Variants in DTX4 observed in about 807,000 individuals in gnomAD.
DTX4 encodes the protein deltex E3 ubiquitin ligase 4, also known as E3 ubiquitin-protein ligase DTX4.
DTX4 carries 28 observed loss-of-function variants against 57.6 expected under a neutral mutation model. That is an observed-to-expected ratio of 0.49 (90% CI 0.36 to 0.67). The LOEUF (loss-of-function observed/expected upper bound fraction) is 0.67, where lower values mean the gene tolerates loss of function less well. Among genes scored for constraint, DTX4 ranks in the 30% least tolerant of loss-of-function variants. The pLI is 0.00. For missense variants in DTX4, 715 were observed against 836.8 expected, an observed-to-expected ratio of 0.85 and a Z score of 1.80; for synonymous variants, 316 against 331.0, an observed-to-expected ratio of 0.95 and a Z score of 0.49.
At position 59,192,221 on chromosome 11, in the gene DTX4, T is replaced by G; in HGVS notation, c.1345T>G (p.Leu449Val). Residue 449 changes from leucine to valine, a missense_variant, in exon 6 of 9, where the codon TTG becomes GTG. Coordinates refer to ENST00000227451, the MANE Select transcript of DTX4 (RefSeq NM_015177.2). ...RCGHVYHIYC[L>V]VAMYNNGNKD... ...CGGCCACGTCTACCACATCTACTGC[T>G]TGGTTGCCATGTACAACAATGGGAA... 1 of 1,613,980 alleles carries G rather than the reference T, an allele frequency of 6.2e-7. No individual in the cohort carries two copies. Among genetic ancestry groups the G allele is most frequent in the Non-Finnish European group, 8.5e-7 (1 of 1,179,894 alleles).
intron 1 of DTX4, among the ~76,000 whole-genome samples, chr11:59,180,747 C>G (rs1432429064): frequency 6.6e-6 from 1 of 152,118 alleles, no homozygotes; most frequent in Non-Finnish European, 1.5e-5. Context: ...AAAGAGGCAA[C>G]AGTTACAGGT....
At chr11:59,201,343 C>T (rs1862737910) in intron 8 of DTX4, among the ~76,000 whole-genome samples, 1 of 152,226 alleles carries the variant, frequency 6.6e-6, no homozygotes, top group Admixed American at 6.5e-5. Context: ...GCAGCAGCTT[C>T]AGTCGGCTCC....
At chr11:59,189,806 G>C in intron 4 of DTX4, among the ~76,000 whole-genome samples, 1 of 152,088 alleles carries the variant, frequency 6.6e-6, no homozygotes, top group Non-Finnish European at 1.5e-5. Context: ...TGTCCCCCTA[G>C]AACCTACAGA....
rs565408570 is a variant in DTX4 at position 59,203,935 on chromosome 11, A to G, written c.1627-741A>G. 1.1e-4 allele frequency among the ~76,000 whole-genome samples: 17 copies of G among 152,294 alleles called. No homozygotes were observed. In the South Asian group the frequency reaches 2.9e-3, roughly 26 times the overall value. On this transcript the variant is annotated intron_variant, in intron 8 of 8. Transcript: ENST00000227451. ...GGTTTCCTCTCCTCCAGCCCATACC[A>G]TGTTTACAGTAGTTCAGTTTTCAAC...
chr11:59,189,100 A>G (rs1210767244), intron 3 of DTX4, 62 bp from the exon 4 acceptor site: 79 of 1,586,770 alleles, frequency 5.0e-5, no homozygotes, highest in Non-Finnish European at 6.5e-5. Context: ...GGAAAGAGGA[A>G]TTTGGGGAAT....
At chr11:59,191,936 A>C (rs1862604020) in intron 5 of DTX4, among the ~76,000 whole-genome samples, 162 bp from the exon 6 acceptor site, 1 of 152,226 alleles carries the variant, frequency 6.6e-6, no homozygotes, top group Non-Finnish European at 1.5e-5. Context: ...TTGTTGTGTA[A>C]AGACAAAACG....
chr11:59,181,311 T>C (rs1022239792), intron 1 of DTX4, among the ~76,000 whole-genome samples: 1 of 152,222 alleles, frequency 6.6e-6, no homozygotes, highest in African/African-American at 2.4e-5. Flanking sequence ...TACAAATACA[T>C]ATTTGCTGAA....
rs752712450 is a variant in DTX4, at chr11:59,206,103, C to G, written c.*1194C>G. ...ATTTCTTTTCAAGATTGGATCAGAGCTCATCTCCATCCAGTCTTGTTTCTA... is the reference window on the plus strand; with the variant it reads ...ATTTCTTTTCAAGATTGGATCAGAGGTCATCTCCATCCAGTCTTGTTTCTA... On this transcript the variant is annotated 3_prime_UTR_variant, in exon 9 of 9. Coordinates refer to ENST00000227451, the MANE Select transcript of DTX4 (RefSeq NM_015177.2). 6.6e-6 allele frequency: 1 copy of G among 152,190 alleles called. No individual in the cohort carries two copies. Among genetic ancestry groups the G allele is most frequent in the Non-Finnish European group, 1.5e-5 (1 of 68,048 alleles). 9.4% of individuals were successfully genotyped at this position (152,190 alleles called of 1,614,324 possible). A position where few individuals can be genotyped will look rare whatever the true frequency, so the allele number is the denominator to read the frequency against.
At chr11:59,188,062 C>A (rs1266553450) in intron 2 of DTX4, among the ~76,000 whole-genome samples, 1 of 152,212 alleles carries the variant, frequency 6.6e-6, no homozygotes, top group African/African-American at 2.4e-5. Flanking sequence ...CTCTTTTGTA[C>A]ACCCTGGTTT....
intron 6 of DTX4, among the ~76,000 whole-genome samples, chr11:59,192,866 G>A (rs552112102): frequency 4.6e-5 from 7 of 152,274 alleles, no homozygotes; most frequent in African/African-American, 1.4e-4. Flanking sequence ...ACAATGCAAT[G>A]GTATCCCCTC....
At chr11:59,176,727 T>C (rs951180505) in intron 1 of DTX4, among the ~76,000 whole-genome samples, 2 of 152,112 alleles carry the variant, frequency 1.3e-5, no homozygotes, top group African/African-American at 4.8e-5. Flanking sequence ...AGCTGAAAGG[T>C]TTTGGGTGCT....
At chr11:59,186,941 C>T (rs1862536073) in intron 2 of DTX4, among the ~76,000 whole-genome samples, 2 of 152,234 alleles carry the variant, frequency 1.3e-5, no homozygotes, top group African/African-American at 4.8e-5. Flanking sequence ...CAAACATTCC[C>T]ATTCCCACAT....
In DTX4 at chr11:59,207,975, C is replaced by G. The variant is rs559335652; in HGVS notation, c.*3066C>G. ...AGGCTCACTGGTACAAGAAAGGACCCCTGACCCCTTTCCTTCTCTGTGGTC... is the reference window on the plus strand; with the variant it reads ...AGGCTCACTGGTACAAGAAAGGACCGCTGACCCCTTTCCTTCTCTGTGGTC... On this transcript the variant is annotated 3_prime_UTR_variant, in exon 9 of 9. Coordinates refer to ENST00000227451, the MANE Select transcript of DTX4 (RefSeq NM_015177.2). 4.6e-5 allele frequency: 7 copies of G among 152,464 alleles called. No homozygotes were observed. The highest frequency in any genetic ancestry group is 1.0e-4 in the Non-Finnish European group (7 of 68,078). The allele number at this position is 152,464 out of a possible 1,614,324, so 9.4% of individuals were successfully genotyped here.
rs1862471505 is a variant in DTX4 at position 59,182,102 on chromosome 11, C to A, written c.575C>A (p.Pro192His). The A allele has an allele frequency of 6.2e-7, 1 of 1,613,338 alleles. No homozygotes were observed. Among genetic ancestry groups the A allele is most frequent in the African/African-American group, 1.3e-5 (1 of 75,050 alleles). ...TSPPMSPCSC[P>H]QCVLVMSVKA... ...CCCCCCATGTCCCCCTGCTCCTGTC[C>A]CCAGTGTGTCTTGGTGATGAGTGTT... The change falls in exon 2 of 9, where the codon CCC becomes CAC. Residue 192 changes from proline (P) to histidine (H), a missense_variant. Physicochemically the swap from Pro to His is moderately conservative, Grantham distance 77. Transcript: ENST00000227451.
At position 59,199,699 on chromosome 11, in the gene DTX4, A is replaced by C. The variant is rs750787233; in HGVS notation, c.1552A>C (p.Asn518His). The C allele has an allele frequency of 1.3e-6, 2 of 1,576,652 alleles. No individual in the cohort carries two copies. Among genetic ancestry groups the C allele is most frequent in the Non-Finnish European group, 1.7e-6 (2 of 1,160,910 alleles). Residue 518 changes from asparagine to histidine, a missense_variant, in exon 8 of 9, where the codon AAT (asparagine) becomes CAT (histidine). By Grantham distance (68) the Asn-to-His change is moderately conservative. Transcript: ENST00000227451. Reference sequence around the variant, plus strand: ...CTGCTTTCAGGGACCGGAACACCCGAATCCTGGGAAGAGTTTCAGCGCCCG... The same window carrying C: ...CTGCTTTCAGGGACCGGAACACCCGCATCCTGGGAAGAGTTTCAGCGCCCG... ...PPGIQGPEHP[N>H]PGKSFSARGF...
At chr11:59,198,953 T>C (rs1328820495) in intron 7 of DTX4, among the ~76,000 whole-genome samples, 2 of 152,214 alleles carry the variant, frequency 1.3e-5, no homozygotes, top group East Asian at 3.8e-4. Flanking sequence ...CTCACTCAAT[T>C]GTGCTTCAGT....
chr11:59,203,629 C>T (rs1430337276), intron 8 of DTX4, among the ~76,000 whole-genome samples: 6 of 152,068 alleles, frequency 3.9e-5, no homozygotes, highest in Middle Eastern at 3.2e-3. Flanking sequence ...CTTTTCTTTT[C>T]GTAAATAAGT....
intron 2 of DTX4, among the ~76,000 whole-genome samples, chr11:59,185,751 C>T (rs999322714): frequency 6.6e-6 from 1 of 152,142 alleles, no homozygotes; most frequent in African/African-American, 2.4e-5. Context: ...AATATTAGAG[C>T]AGAAAACGTC....
chr11:59,188,603 CTT>C, intron 2 of DTX4, 130 bp from the exon 3 acceptor site: 1 of 710,920 alleles, frequency 1.4e-6, no homozygotes, highest in Non-Finnish European at 2.4e-6. Context: ...CATGGCCTGA[CTT>C]AGGTTTTGAA....
Sources: allele counts gnomAD v4.1 joint callset (sites outside exome capture counted in the v4.1 genomes callset), GRCh38; gene constraint gnomAD v4.1.1; transcripts MANE v1.5; gene names NCBI Gene and HGNC (gene_info 2026-07-23, HGNC 2026-07-21).